The following CAT variants were observed in gnomAD, a reference collection of about 807,000 sequenced individuals.
CAT encodes epididymis secretory sperm binding protein.
CAT carries 43 observed loss-of-function variants against 59.0 expected under a neutral mutation model. The ratio of observed to expected loss-of-function variants is 0.73; its 90% CI spans 0.57 to 0.94. CAT has a LOEUF of 0.94. CAT is among the 40% of genes least tolerant of loss of function. The probability of loss-of-function intolerance (pLI) is 0.00; values close to 1 mark genes in which losing one functional copy is unlikely to be tolerated. For missense variants in CAT, 664 were observed against 682.9 expected (o/e 0.97, Z 0.31); for synonymous variants, 218 against 230.9 (o/e 0.94, Z 0.51).
rs200989008 is a variant in CAT, at chr11:34,453,839, A to T, written c.624A>T (p.Gly208=). The part of the protein sequence containing the change: ...FLFSDRGIPD[G]HRHMNGYGSH... ...TCAGTGATCGGGGGATTCCAGATGGACATCGCCACATGAATGGATATGGAT... is the reference window on the plus strand; with the variant it reads ...TCAGTGATCGGGGGATTCCAGATGGTCATCGCCACATGAATGGATATGGAT... Residue 208 remains glycine (G), a synonymous_variant, in exon 6 of 13, where the codon GGA becomes GGT. Coordinates refer to ENST00000241052, the MANE Select transcript of CAT (RefSeq NM_001752.4). 1.2e-5 allele frequency: 20 copies of T among 1,613,328 alleles called. No homozygotes were observed. Among genetic ancestry groups the T allele is most frequent in the Admixed American group, 1.7e-5 (1 of 60,002 alleles).
chr11:34,471,393 C>T lies in CAT; in HGVS notation c.1544C>T (p.Ser515Phe). Residue 515 changes from serine (S) to phenylalanine (F), a missense_variant, in exon 13 of 13, where the codon TCC (serine) becomes TTC (phenylalanine). Transcript: ENST00000241052. ...PKNAIHTFVQ[S>F]GSHLAAREKA... Reference sequence around the variant, plus strand: ...AATGCGATTCACACCTTTGTGCAGTCCGGATCTCACTTGGCGGCAAGGGAG... The same window carrying T: ...AATGCGATTCACACCTTTGTGCAGTTCGGATCTCACTTGGCGGCAAGGGAG... The T allele has an allele frequency of 9.3e-6, 15 of 1,613,944 alleles. No homozygotes were observed. Among genetic ancestry groups the T allele is most frequent in the Non-Finnish European group, 1.3e-5 (15 of 1,179,830 alleles).
chr11:34,452,257 G>A, intron 4 of CAT, 50 bp downstream of exon 4: 1 of 1,575,466 alleles, frequency 6.3e-7, no homozygotes, highest in Non-Finnish European at 8.7e-7. Flanking sequence ...GACTTAAATT[G>A]ATTTCAAATA....
At chr11:34,464,335 T>C in intron 10 of CAT, 100 bp downstream of exon 10, 1 of 1,195,588 alleles carries the variant, frequency 8.4e-7, no homozygotes, top group Non-Finnish European at 1.2e-6. Context: ...CTGTCTGATG[T>C]ATCTTAAATT....
At chr11:34,442,290 G>A (rs1856399985) in intron 1 of CAT, among the ~76,000 whole-genome samples, 1 of 152,148 alleles carries the variant, frequency 6.6e-6, no homozygotes, top group Non-Finnish European at 1.5e-5. Flanking sequence ...ATCTCAACAT[G>A]TATCATGGTA....
intron 10 of CAT, among the ~76,000 whole-genome samples, chr11:34,466,800 AAAAAG>A (rs1406401446): frequency 5.3e-5 from 8 of 150,222 alleles, no homozygotes; most frequent in Non-Finnish European, 1.0e-4. Context: ...AAAAAAAAAA[AAAAAG>A]AAAATAGATG....
chr11:34,441,140 T>A (rs553773314), intron 1 of CAT, among the ~76,000 whole-genome samples: 19 of 152,358 alleles, frequency 1.2e-4, no homozygotes, highest in Non-Finnish European at 2.4e-4. Flanking sequence ...CGCTTACTTC[T>A]TTTAGGCACT....
intron 6 of CAT, 91 bp from the exon 7 acceptor site, chr11:34,455,920 T>C (rs1211854617): frequency 5.8e-5 from 58 of 1,003,860 alleles, no homozygotes; most frequent in Non-Finnish European, 8.4e-5. Context: ...CTTTGGGCAG[T>C]GTTACTCATA....
At chr11:34,461,095 G>T in intron 8 of CAT, 156 bp from the exon 9 acceptor site, 2 of 826,200 alleles carry the variant, frequency 2.4e-6, no homozygotes, top group Non-Finnish European at 2.1e-6. Context: ...TTTCATAAGA[G>T]TAGAGGCTTC....
intron 6 of CAT, among the ~76,000 whole-genome samples, chr11:34,454,196 T>G (rs961283408): frequency 1.3e-5 from 2 of 152,228 alleles, no homozygotes; most frequent in African/African-American, 4.8e-5. Flanking sequence ...ATCCATCTAT[T>G]TACTTAGCAT....
chr11:34,458,459 A>G (rs905301985), intron 8 of CAT, among the ~76,000 whole-genome samples: 2 of 152,240 alleles, frequency 1.3e-5, no homozygotes, highest in Non-Finnish European at 2.9e-5. Flanking sequence ...TAGCAAAAGG[A>G]AAGTCAGGCA....
rs772509196 is a variant in CAT, at chr11:34,455,981, C to T, written c.712-30C>T. 14 of 1,598,952 alleles carry T rather than the reference C, an allele frequency of 8.8e-6. No homozygotes were observed. The East Asian group carries it at 2.9e-4, about 33-fold the overall frequency. On this transcript the variant is annotated intron_variant, in intron 6 of 12. Coordinates refer to ENST00000241052, the MANE Select transcript of CAT (RefSeq NM_001752.4). ...TTTTGATAACTTTGACAATAAGTTT[C>T]CATTGGAGCTTCTTTCTTTCATTTT...
chr11:34,442,239 A>G (rs980698080), intron 1 of CAT, among the ~76,000 whole-genome samples: 68 of 152,236 alleles, frequency 4.5e-4, no homozygotes, highest in African/African-American at 1.5e-3. Context: ...TTTAAGTTCA[A>G]TCATGTGGAA....
intron 9 of CAT, 137 bp downstream of exon 9, chr11:34,461,526 A>C: frequency 4.0e-6 from 4 of 993,926 alleles, no homozygotes; most frequent in Non-Finnish European, 6.2e-6. Context: ...AGGTGCTGCT[A>C]ACTGGGCGCT....
chr11:34,438,984 T>G lies in CAT; in HGVS notation c.-30T>G, dbSNP rs997097817. On this transcript the variant is annotated 5_prime_UTR_variant, in exon 1 of 13. Transcript: ENST00000241052. Reference sequence around the variant, plus strand: ...TGGAGACCCACGAGCCGAGGCCTCCTGCAGTGTTCTGCACAGCAAACCGCA... The same window carrying G: ...TGGAGACCCACGAGCCGAGGCCTCCGGCAGTGTTCTGCACAGCAAACCGCA... 3.2e-6 allele frequency: 5 copies of G among 1,564,260 alleles called. No individual in the cohort carries two copies. Among genetic ancestry groups the G allele is most frequent in the Non-Finnish European group, 3.5e-6 (4 of 1,152,868 alleles).
chr11:34,453,799 A>C lies in CAT; in HGVS notation c.586-2A>C. The C allele has an allele frequency of 6.2e-7, 1 of 1,612,378 alleles. No individual in the cohort carries two copies. Among genetic ancestry groups the C allele is most frequent in the Non-Finnish European group, 8.5e-7 (1 of 1,178,468 alleles). Reference sequence around the variant, plus strand: ...TTTAGGCTTTATATTTCTGTTCTTTAGGTTTCTTTCTTGTTCAGTGATCGG... The same window carrying C: ...TTTAGGCTTTATATTTCTGTTCTTTCGGTTTCTTTCTTGTTCAGTGATCGG... On this transcript the variant is annotated splice_acceptor_variant, in intron 5 of 12. Coordinates refer to ENST00000241052, the MANE Select transcript of CAT (RefSeq NM_001752.4). LOFTEE classifies it high-confidence loss of function.
At chr11:34,462,789 A>G (rs1053082614) in intron 9 of CAT, among the ~76,000 whole-genome samples, 4 of 152,242 alleles carry the variant, frequency 2.6e-5, no homozygotes, top group Non-Finnish European at 4.4e-5. Context: ...TCCTGTGGTC[A>G]GTGCTTTAAA....
intron 10 of CAT, among the ~76,000 whole-genome samples, chr11:34,466,305 A>T (rs770262573): frequency 2.6e-5 from 4 of 152,212 alleles, no homozygotes; most frequent in African/African-American, 4.8e-5. Context: ...ACCTTTTTAT[A>T]TGGAAATGTT....
Position 34,438,998 on chromosome 11 carries a change from C to T in CAT, c.-16C>T, listed in dbSNP as rs1296337325. The stretch of plus-strand genomic sequence containing the variant: ...CCGAGGCCTCCTGCAGTGTTCTGCA[C>T]AGCAAACCGCACGCTATGGCTGACA... On this transcript the variant is annotated 5_prime_UTR_variant, in exon 1 of 13. Transcript: ENST00000241052. The T allele has an allele frequency of 6.3e-7, 1 of 1,581,974 alleles. No homozygotes were observed. Among genetic ancestry groups the T allele is most frequent in the Non-Finnish European group, 8.6e-7 (1 of 1,163,808 alleles).
At chr11:34,451,965 G>A (rs1856527661) in intron 3 of CAT, 112 bp from the exon 4 acceptor site, 1 of 1,145,120 alleles carries the variant, frequency 8.7e-7, no homozygotes, top group African/African-American at 1.5e-5. Flanking sequence ...ACCTAATTTA[G>A]TTCTTGGAAG....
Sources: gnomAD v4.1 joint callset for allele counts (sites outside exome capture counted in the v4.1 genomes callset) on GRCh38, gnomAD v4.1.1 for gene constraint, MANE v1.5 for transcripts, NCBI Gene and HGNC (gene_info 2026-07-23, HGNC 2026-07-21) for gene names.